GOLGA7: variants seen among roughly 807,000 people sequenced by gnomAD.
GOLGA7 encodes golgin subfamily A member 7.
A neutral mutation model predicts 21.1 loss-of-function variants in GOLGA7; 10 were observed. The observed-to-expected ratio is 0.47, with a 90% CI of 0.29 to 0.80. The LOEUF is 0.80. GOLGA7 is among the 30% of genes least tolerant of loss of function. GOLGA7 has a pLI of 0.08. For missense variants in GOLGA7, 114 were observed against 166.8 expected (o/e 0.68, Z 1.74); for synonymous variants, 64 against 62.6 (o/e 1.02, Z -0.10).
At chr8:41,496,267 G>A (rs769853696) in intron 1 of GOLGA7, among the ~76,000 whole-genome samples, 3 of 152,040 alleles carry the variant, frequency 2.0e-5, no homozygotes, top group Admixed American at 6.6e-5. Flanking sequence ...GGCTGGAAGG[G>A]TCTTTTTCTC....
intron 1 of GOLGA7, among the ~76,000 whole-genome samples, chr8:41,493,885 C>T (rs747737603): frequency 1.3e-5 from 2 of 152,222 alleles, no homozygotes; most frequent in Non-Finnish European, 2.9e-5. Flanking sequence ...AGGGAGAACA[C>T]TGGCCACTGT....
chr8:41,493,864 C>T (rs570237618), intron 1 of GOLGA7, among the ~76,000 whole-genome samples: 1 of 152,298 alleles, frequency 6.6e-6, no homozygotes, highest in African/African-American at 2.4e-5. Context: ...GTATCAGTGT[C>T]CAGGAACCTA....
chr8:41,502,431 C>A (rs1330151916), intron 2 of GOLGA7: 1 of 152,198 alleles, frequency 6.6e-6, no homozygotes, highest in Non-Finnish European at 1.5e-5. Context: ...TTAAAACTCA[C>A]TAGAACAATC....
At chr8:41,507,455 G>A (rs1165182311) in intron 4 of GOLGA7, among the ~76,000 whole-genome samples, 1 of 152,000 alleles carries the variant, frequency 6.6e-6, no homozygotes, top group Non-Finnish European at 1.5e-5. Flanking sequence ...TAAATACTTG[G>A]GTTTTGCATA....
chr8:41,495,868 T>C (rs1365085915), intron 1 of GOLGA7, among the ~76,000 whole-genome samples: 2 of 152,166 alleles, frequency 1.3e-5, no homozygotes, highest in African/African-American at 2.4e-5. Context: ...AAATCTGTTA[T>C]ACAAAGTACT....
intron 4 of GOLGA7, among the ~76,000 whole-genome samples, chr8:41,509,117 T>C (rs1168888599): frequency 6.6e-6 from 1 of 152,258 alleles, no homozygotes; most frequent in Non-Finnish European, 1.5e-5. Flanking sequence ...GCCATCTTTA[T>C]ATAAAATGGA....
intron 2 of GOLGA7, among the ~76,000 whole-genome samples, chr8:41,500,357 A>G (rs1806120803): frequency 6.6e-6 from 1 of 152,190 alleles, no homozygotes; most frequent in African/African-American, 2.4e-5. Context: ...TGGGGCATTA[A>G]GGCAGAAAGA....
At chr8:41,501,662 C>G (rs970602946) in intron 2 of GOLGA7, among the ~76,000 whole-genome samples, 1 of 152,206 alleles carries the variant, frequency 6.6e-6, no homozygotes, top group Non-Finnish European at 1.5e-5. Context: ...TCCCAAAGTG[C>G]TAGGGCTACA....
In GOLGA7 at chr8:41,491,831, A is replaced by ATTTC. The variant is rs1330615384; in HGVS notation, c.111+868_111+871dup. Among the ~76,000 whole-genome samples the ATTTC allele has an allele frequency of 1.7e-4, 26 of 152,090 alleles. 1 individual carries two copies. On this transcript the variant is annotated intron_variant, in intron 1 of 4. Transcript: ENST00000357743. ...GATTGTGTTTCCCGTTCAGGGATCA[A>ATTTC]TTTCTGGTTAGCTGGAAGCAGGTTT...
rs78636725 is a variant in GOLGA7, at chr8:41,508,082, A to T, written c.*15+961A>T. Among the ~76,000 whole-genome samples, 1,509 of 152,340 alleles carry T rather than the reference A, an allele frequency of 9.9e-3. 8 individuals are homozygous for T. The highest frequency in any genetic ancestry group is 0.02 in the Middle Eastern group (6 of 294). ...AACTTGGATACAAATAGATTAAATG[A>T]TGTTCTCACAGTCACACAGTTAACG... On this transcript the variant is annotated intron_variant, in intron 4 of 4. Coordinates refer to ENST00000357743, the MANE Select transcript of GOLGA7 (RefSeq NM_001002296.2).
rs1362455747 is a variant in GOLGA7, at chr8:41,507,048, ATGCTGTTTAGATT to A, written c.367-10_369del. 7.9e-7 allele frequency: 1 copy of A among 1,269,216 alleles called. No individual in the cohort carries two copies. The highest frequency in any genetic ancestry group is 1.2e-6 in the Non-Finnish European group (1 of 864,984). The allele number at this position is 1,269,216 out of a possible 1,614,324, so 78.6% of individuals were successfully genotyped here. A position where few individuals can be genotyped will look rare whatever the true frequency, so the allele number is the denominator to read the frequency against. ...CCTGTAGTGTGTTTTCTTAACAGCCATGCTGTTTAGATTGAAATTACCATTTATGAAGACAGAG... is the reference window on the plus strand; with the variant it reads ...CCTGTAGTGTGTTTTCTTAACAGCCAGAAATTACCATTTATGAAGACAGAG... On this transcript the variant is annotated splice_acceptor_variant and splice_polypyrimidine_tract_variant and coding_sequence_variant and intron_variant, in exon 4 of 5. Transcript: ENST00000357743. LOFTEE classifies it high-confidence loss of function.
At position 41,495,447 on chromosome 8, in the gene GOLGA7, G is replaced by T. The variant is rs533020206; in HGVS notation, c.112-2062G>T. On this transcript the variant is annotated intron_variant, in intron 1 of 4. Transcript: ENST00000357743. Reference sequence around the variant, plus strand: ...CTATAGGCATGCACCACCACGCCTGGCTAATTTTTGCATTTTTAGTAGAGA... The same window carrying T: ...CTATAGGCATGCACCACCACGCCTGTCTAATTTTTGCATTTTTAGTAGAGA... 2.6e-5 allele frequency among the ~76,000 whole-genome samples: 4 copies of T among 151,336 alleles called. No individual in the cohort carries two copies. The East Asian group carries it at 7.9e-4, about 30-fold the overall frequency.
rs376624816 is a variant in GOLGA7 at position 41,506,027 on chromosome 8, C to T, written c.366+15C>T. The stretch of plus-strand genomic sequence containing the variant: ...GACTGCGAGTTGTATCTTTTTAGTT[C>T]GGATCAGAAAGTCTAAATATTTATA... On this transcript the variant is annotated intron_variant, in intron 3 of 4. Transcript: ENST00000357743. 5.5e-5 allele frequency: 70 copies of T among 1,282,780 alleles called. No homozygotes were observed. Among genetic ancestry groups the T allele is most frequent in the African/African-American group, 1.3e-4 (9 of 67,222 alleles). The allele number at this position is 1,282,780 out of a possible 1,614,324, so 79.5% of individuals were successfully genotyped here.
intron 1 of GOLGA7, among the ~76,000 whole-genome samples, chr8:41,494,497 A>C (rs150994461): frequency 7.4e-4 from 112 of 152,350 alleles, no homozygotes; most frequent in African/African-American, 2.5e-3. Context: ...TTGTAGACTT[A>C]TCGGTGGACA....
At chr8:41,503,419 A>G (rs1345550751) in intron 2 of GOLGA7, among the ~76,000 whole-genome samples, 38 of 122,188 alleles carry the variant, frequency 3.1e-4, no homozygotes, top group Non-Finnish European at 1.5e-4. Flanking sequence ...TAGTTTAATT[A>G]GATCCCATTT....
chr8:41,492,772 A>G (rs1272055483), intron 1 of GOLGA7, among the ~76,000 whole-genome samples: 1 of 152,250 alleles, frequency 6.6e-6, no homozygotes, highest in Non-Finnish European at 1.5e-5. Context: ...ATCAGAATAT[A>G]AAGTATTCTT....
At chr8:41,498,382 C>G (rs1806071729) in intron 2 of GOLGA7, among the ~76,000 whole-genome samples, 1 of 152,172 alleles carries the variant, frequency 6.6e-6, no homozygotes, top group Non-Finnish European at 1.5e-5. Context: ...GAGACCTTCC[C>G]TGGATTCCCA....
At chr8:41,509,241 A>G (rs988805973) in intron 4 of GOLGA7, among the ~76,000 whole-genome samples, 8 of 152,220 alleles carry the variant, frequency 5.3e-5, no homozygotes, top group African/African-American at 1.9e-4. Flanking sequence ...CAACCCTATG[A>G]GGTAGATATT....
intron 2 of GOLGA7, among the ~76,000 whole-genome samples, chr8:41,502,944 G>C (rs766935708): frequency 7.9e-5 from 12 of 152,058 alleles, no homozygotes; most frequent in Middle Eastern, 3.2e-3. Context: ...GGTGAGAATG[G>C]CGCTTTGTCC....
Sources: gnomAD v4.1 joint callset for allele counts (sites outside exome capture counted in the v4.1 genomes callset) on GRCh38, gnomAD v4.1.1 for gene constraint, MANE v1.5 for transcripts, NCBI Gene and HGNC (gene_info 2026-07-23, HGNC 2026-07-21) for gene names.